LRP1B: variants seen among roughly 807,000 people sequenced by gnomAD.
LRP1B encodes low-density lipoprotein receptor-related protein 1B.
Under a neutral mutation model 556.6 loss-of-function variants are expected in LRP1B, and 217 were observed. That is an observed-to-expected ratio of 0.39 (90% CI 0.35 to 0.44). The LOEUF is 0.44. Among genes scored for constraint, LRP1B ranks in the 20% least tolerant of loss-of-function variants. LRP1B has a pLI of 1.00. For synonymous variants in LRP1B, 2,047 were observed against 1,865.8 expected (o/e 1.10, Z -2.50); for missense variants, 5,053 against 5,620.8 (o/e 0.90, Z 3.23).
intron 7 of LRP1B, among the ~76,000 whole-genome samples, chr2:141,153,559 ATATT>A (rs1292769855): frequency 1.5e-5 from 2 of 131,070 alleles, no homozygotes; most frequent in Non-Finnish European, 3.2e-5. Flanking sequence ...TTAGCTATAT[ATATT>A]TATATATAAT....
At chr2:140,335,486 C>G (rs1175867265) in intron 78 of LRP1B, 129 bp downstream of exon 78, 1 of 653,810 alleles carries the variant, frequency 1.5e-6, no homozygotes, top group Non-Finnish European at 2.7e-6. Context: ...AGAAATAGTA[C>G]AAGGATATTT....
chr2:141,478,785 T>A (rs1682809765), intron 3 of LRP1B, among the ~76,000 whole-genome samples: 1 of 152,128 alleles, frequency 6.6e-6, no homozygotes, highest in Non-Finnish European at 1.5e-5. Context: ...CGTCAGGTGA[T>A]CTGCCTGCTT....
chr2:141,553,433 A>G (rs1280812384), intron 2 of LRP1B, among the ~76,000 whole-genome samples: 1 of 151,552 alleles, frequency 6.6e-6, no homozygotes, highest in Non-Finnish European at 1.5e-5. Flanking sequence ...TCTTTTAAAT[A>G]TACAGGAATA....
intron 1 of LRP1B, among the ~76,000 whole-genome samples, chr2:141,880,780 A>T (rs1698932017): frequency 6.6e-6 from 1 of 152,072 alleles, no homozygotes; most frequent in African/African-American, 2.4e-5. Context: ...TGTCTTCTAC[A>T]GCTAAGCTTG....
At chr2:140,453,709 ATGAAT>A (rs1686972366) in intron 62 of LRP1B, among the ~76,000 whole-genome samples, 1 of 152,156 alleles carries the variant, frequency 6.6e-6, no homozygotes. Context: ...CTAGTGTTAT[ATGAAT>A]TGAACTTAAT....
chr2:141,001,916 A>T (rs1697437100), intron 15 of LRP1B, among the ~76,000 whole-genome samples: 1 of 152,106 alleles, frequency 6.6e-6, no homozygotes, highest in African/African-American at 2.4e-5. Flanking sequence ...GAAACTGAAA[A>T]ATTAAACTAG....
intron 6 of LRP1B, among the ~76,000 whole-genome samples, chr2:141,202,436 A>G (rs1487319093): frequency 6.6e-6 from 1 of 152,186 alleles, no homozygotes; most frequent in Non-Finnish European, 1.5e-5. Flanking sequence ...ATACCCAGTA[A>G]CGGGATTGCT....
chr2:141,533,629 G>C (rs973087008), intron 2 of LRP1B, among the ~76,000 whole-genome samples: 2 of 152,074 alleles, frequency 1.3e-5, no homozygotes, highest in Non-Finnish European at 2.9e-5. Context: ...CTAAAATGAG[G>C]ACACCATTAA....
intron 41 of LRP1B, among the ~76,000 whole-genome samples, chr2:140,602,634 C>T (rs996288128): frequency 6.6e-6 from 1 of 151,930 alleles, no homozygotes; most frequent in African/African-American, 2.4e-5. Flanking sequence ...CTGAAAAGAG[C>T]TGTTTCCAGG....
At chr2:141,237,353 G>GT (rs11327977) in intron 5 of LRP1B, among the ~76,000 whole-genome samples, 4,300 of 93,630 alleles carry the variant, frequency 0.046, 99 homozygotes, top group African/African-American at 0.088. Flanking sequence ...GTGTTCTAGT[G>GT]TTTTTTTTTT....
chr2:141,777,579 C>A (rs929405644), intron 2 of LRP1B, among the ~76,000 whole-genome samples: 3 of 151,964 alleles, frequency 2.0e-5, no homozygotes, highest in African/African-American at 7.2e-5. Context: ...CCACACCCGG[C>A]TTATTTTGTA....
intron 79 of LRP1B, among the ~76,000 whole-genome samples, chr2:140,331,921 T>C (rs1330672579): frequency 6.6e-6 from 1 of 151,920 alleles, no homozygotes; most frequent in Non-Finnish European, 1.5e-5. Flanking sequence ...GGTCTCAAAC[T>C]CCTGACCTCA....
chr2:142,097,138 C>A (rs561226131), intron 1 of LRP1B, among the ~76,000 whole-genome samples: 1 of 151,670 alleles, frequency 6.6e-6, no homozygotes, highest in East Asian at 1.9e-4. Context: ...ATACTTGCAA[C>A]TCCTCTATTA....
intron 3 of LRP1B, among the ~76,000 whole-genome samples, chr2:141,389,556 T>C (rs1406821673): frequency 6.6e-6 from 1 of 152,078 alleles, no homozygotes; most frequent in African/African-American, 2.4e-5. Flanking sequence ...AATTTAGCAT[T>C]GGCAATGAAT....
intron 41 of LRP1B, among the ~76,000 whole-genome samples, chr2:140,664,203 T>C (rs374783760): frequency 6.6e-6 from 1 of 152,236 alleles, no homozygotes; most frequent in Non-Finnish European, 1.5e-5. Flanking sequence ...ATTGCAAGAA[T>C]TACCAAAATG....
At chr2:140,435,189 C>T (rs918998337) in intron 66 of LRP1B, among the ~76,000 whole-genome samples, 13 of 152,040 alleles carry the variant, frequency 8.6e-5, no homozygotes, top group Non-Finnish European at 1.9e-4. Flanking sequence ...ATTTTTGTTC[C>T]AAAGGTAGGC....
intron 3 of LRP1B, among the ~76,000 whole-genome samples, chr2:141,377,767 C>G (rs1366644834): frequency 6.6e-6 from 1 of 151,912 alleles, no homozygotes; most frequent in Non-Finnish European, 1.5e-5. Context: ...AATACCACAG[C>G]CCCTATATTT....
intron 1 of LRP1B, among the ~76,000 whole-genome samples, chr2:142,091,230 T>C (rs1232967489): frequency 6.6e-6 from 1 of 152,136 alleles, no homozygotes; most frequent in Admixed American, 6.5e-5. Flanking sequence ...TTTTTTAGAC[T>C]TTGGCAAAAG....
intron 1 of LRP1B, among the ~76,000 whole-genome samples, chr2:141,851,576 A>G (rs944960803): frequency 3.3e-5 from 5 of 151,822 alleles, no homozygotes. Context: ...ATAAAATTAG[A>G]TTTCCCAGGA....
Sources: allele counts gnomAD v4.1 joint callset (sites outside exome capture counted in the v4.1 genomes callset), GRCh38; gene constraint gnomAD v4.1.1; transcripts MANE v1.5; gene names NCBI Gene and HGNC (gene_info 2026-07-23, HGNC 2026-07-21).